Variants in TPD52 observed in about 807,000 individuals in gnomAD.
TPD52 encodes prostate and colon associated protein.
A neutral mutation model predicts 31.3 loss-of-function variants in TPD52; 17 were observed. The observed-to-expected ratio is 0.54, with a 90% CI of 0.37 to 0.82. The LOEUF is 0.82. Among genes scored for constraint, TPD52 ranks in the 40% least tolerant of loss-of-function variants. The pLI is 0.00. For missense variants in TPD52, 212 were observed against 240.1 expected, an observed-to-expected ratio of 0.88 and a Z score of 0.77; for synonymous variants, 83 against 89.6, an observed-to-expected ratio of 0.93 and a Z score of 0.42.
At chr8:80,042,115 AG>A in intron 7 of TPD52, 1 of 908,550 alleles carries the variant, frequency 1.1e-6, no homozygotes, top group Non-Finnish European at 1.3e-6. Flanking sequence ...ATATACAAGC[AG>A]CCATTGCACA....
intron 1 of TPD52, among the ~76,000 whole-genome samples, chr8:80,099,427 A>ATGATG (rs1806567486): frequency 6.6e-6 from 1 of 152,210 alleles, no homozygotes; most frequent in Admixed American, 6.5e-5. Flanking sequence ...GATGCTGCAA[A>ATGATG]TGATGGGAGG....
chr8:80,071,605 C>T (rs775794796), intron 1 of TPD52, among the ~76,000 whole-genome samples: 2 of 152,158 alleles, frequency 1.3e-5, no homozygotes, highest in Non-Finnish European at 2.9e-5. Flanking sequence ...CCATTCCTCT[C>T]CTCCCTCCTG....
rs541362010 is a variant in TPD52, at chr8:80,164,250, T to C, written c.19+7175A>G. Among the ~76,000 whole-genome samples the C allele has an allele frequency of 5.1e-4, 77 of 152,330 alleles. 1 individual carries two copies. The highest frequency in any genetic ancestry group is 1.8e-3 in the African/African-American group (73 of 41,584). ...AGCAAACTAGCCCTTCCAGACATTT[T>C]TACATTTTATGAAGCTACAATAACT... On this transcript the variant is annotated intron_variant, in intron 1 of 7. Coordinates refer to ENST00000518937, the MANE Select transcript of TPD52 (RefSeq NM_001025253.3).
intron 1 of TPD52, among the ~76,000 whole-genome samples, chr8:80,118,596 A>T (rs1808036052): frequency 6.6e-6 from 1 of 152,206 alleles, no homozygotes; most frequent in African/African-American, 2.4e-5. Context: ...AAAGACAACC[A>T]AATTTTCAAG....
At chr8:80,140,171 A>C (rs1809728456) in intron 1 of TPD52, among the ~76,000 whole-genome samples, 1 of 152,192 alleles carries the variant, frequency 6.6e-6, no homozygotes, top group South Asian at 2.1e-4. Context: ...AGACCTCACT[A>C]AGGCCCAAGT....
Position 80,038,159 on chromosome 8 carries a change from G to C in TPD52, c.581C>G (p.Thr194Ser). ...VLNSAANASA[T>S]TTEPLPEKTQ... ...CTTTTCTGGAAGAGGCTCCGTGGTG[G>C]TGGCACTAGCATTTGCAGCCGAATT... is the stretch of plus-strand genomic sequence containing the variant. Residue 194 changes from threonine (T) to serine (S), a missense_variant, in exon 8 of 8, where the codon ACC becomes AGC. Physicochemically the swap from Thr to Ser is moderately conservative, Grantham distance 58 (BLOSUM62 1). Coordinates refer to ENST00000518937, the MANE Select transcript of TPD52 (RefSeq NM_001025253.3). 1 of 1,614,058 alleles carries C rather than the reference G, an allele frequency of 6.2e-7. No homozygotes were observed. Among genetic ancestry groups the C allele is most frequent in the South Asian group, 1.1e-5 (1 of 91,064 alleles).
downstream of TPD52, chr8:80,032,645 T>G (rs1040360657): frequency 6.6e-6 from 1 of 152,286 alleles, no homozygotes; most frequent in African/African-American, 2.4e-5. Flanking sequence ...ATGGTGACAC[T>G]GCCACATGCC....
intron 1 of TPD52, among the ~76,000 whole-genome samples, chr8:80,133,966 G>T (rs1809210924): frequency 6.6e-6 from 1 of 152,266 alleles, no homozygotes. Context: ...TTGAAATTCA[G>T]ATCAGAAATG....
At chr8:80,129,703 CTTTTTTTTTT>C (rs5892709) in intron 1 of TPD52, among the ~76,000 whole-genome samples, 1 of 130,104 alleles carries the variant, frequency 7.7e-6, no homozygotes, top group Non-Finnish European at 1.6e-5. Context: ...ACTCTCATTT[CTTTTTTTTTT>C]TTTTTTTTGA....
At chr8:80,137,929 C>T (rs2131124042) in intron 1 of TPD52, among the ~76,000 whole-genome samples, 1 of 152,072 alleles carries the variant, frequency 6.6e-6, no homozygotes, top group Admixed American at 6.6e-5. Flanking sequence ...CAGAATGAGA[C>T]CCCGTCTCTT....
chr8:80,084,089 G>A (rs1477673406), intron 1 of TPD52, among the ~76,000 whole-genome samples: 1 of 152,296 alleles, frequency 6.6e-6, no homozygotes, highest in Non-Finnish European at 1.5e-5. Context: ...GACCCAGGTG[G>A]AGGGTGAGAC....
intron 1 of TPD52, among the ~76,000 whole-genome samples, chr8:80,071,255 A>C (rs1297906035): frequency 2.6e-5 from 4 of 152,172 alleles, no homozygotes; most frequent in Non-Finnish European, 4.4e-5. Flanking sequence ...AGGGGCATAA[A>C]CACTGATTCA....
At chr8:80,104,276 G>A (rs1164111841) in intron 1 of TPD52, among the ~76,000 whole-genome samples, 3 of 152,186 alleles carry the variant, frequency 2.0e-5, no homozygotes, top group African/African-American at 7.2e-5. Context: ...GTGGGGAGAA[G>A]GATGTTATAG....
chr8:80,064,696 T>A, intron 1 of TPD52, 103 bp from the exon 2 acceptor site: 1 of 793,436 alleles, frequency 1.3e-6, no homozygotes, highest in Non-Finnish European at 2.2e-6. Flanking sequence ...TTAGAGTAGA[T>A]CCACACATCT....
intron 5 of TPD52, among the ~76,000 whole-genome samples, chr8:80,046,880 T>C (rs1340345558): frequency 6.6e-6 from 1 of 152,194 alleles, no homozygotes; most frequent in African/African-American, 2.4e-5. Flanking sequence ...AACAGTTATC[T>C]GATGCTTTCA....
chr8:80,128,512 A>AAAAAAAAAAAAAC (rs1808793890), intron 1 of TPD52, among the ~76,000 whole-genome samples: 2 of 149,732 alleles, frequency 1.3e-5, no homozygotes, highest in African/African-American at 4.9e-5. Context: ...AAAAAAAAAA[A>AAAAAAAAAAAAAC]TGCTGGGCAT....
chr8:80,085,261 G>A (rs969296412), intron 1 of TPD52, among the ~76,000 whole-genome samples: 3 of 152,212 alleles, frequency 2.0e-5, no homozygotes, highest in African/African-American at 7.2e-5. Flanking sequence ...AGTAAAGTGC[G>A]TATGTACTGC....
chr8:80,106,518 G>C (rs953010924), intron 1 of TPD52, among the ~76,000 whole-genome samples: 23 of 150,922 alleles, frequency 1.5e-4, no homozygotes, highest in African/African-American at 5.4e-4. Flanking sequence ...CACCACACCC[G>C]GCTAATTTTT....
intron 5 of TPD52, among the ~76,000 whole-genome samples, chr8:80,045,634 G>T (rs1043613691): frequency 1.3e-5 from 2 of 152,180 alleles, no homozygotes; most frequent in Admixed American, 6.5e-5. Flanking sequence ...AGCAGATGAG[G>T]TCAGGAGAGG....
Sources: allele counts gnomAD v4.1 joint callset (sites outside exome capture counted in the v4.1 genomes callset), GRCh38; gene constraint gnomAD v4.1.1; transcripts MANE v1.5; gene names NCBI Gene and HGNC (gene_info 2026-07-23, HGNC 2026-07-21).